The following PGRMC2 variants were observed in gnomAD, a reference collection of about 807,000 sequenced individuals.
The protein encoded by PGRMC2 is progesterone receptor membrane component 2, also known as membrane-associated progesterone receptor component 2.
A neutral mutation model predicts 19.3 loss-of-function variants in PGRMC2; 9 were observed. That is an observed-to-expected ratio of 0.47 (90% CI 0.28 to 0.81). The LOEUF (loss-of-function observed/expected upper bound fraction) is 0.81, where lower values mean the gene tolerates loss of function less well. Among genes scored for constraint, PGRMC2 ranks in the 40% least tolerant of loss-of-function variants. The pLI, the probability that PGRMC2 is intolerant of heterozygous loss-of-function variation, is 0.11. For missense variants in PGRMC2, 289 were observed against 297.3 expected, an observed-to-expected ratio of 0.97 and a Z score of 0.21; for synonymous variants, 157 against 124.6, an observed-to-expected ratio of 1.26 and a Z score of -1.73.
intron 1 of PGRMC2, chr4:128,273,184 T>C (rs1760758593): frequency 6.6e-6 from 1 of 152,172 alleles, no homozygotes; most frequent in African/African-American, 2.4e-5. Context: ...GGAAAAGTCA[T>C]TAAGGAAAAT....
At chr4:128,286,970 C>T in intron 1 of PGRMC2, 3 of 379,048 alleles carry the variant, frequency 7.9e-6, no homozygotes, top group Non-Finnish European at 1.4e-5. Context: ...AATCTCCCTT[C>T]CCTGGTGCCC....
Position 128,286,969 on chromosome 4 carries a change from TC to T in PGRMC2, c.418+403del, listed in dbSNP as rs1222127705. 26 of 378,318 alleles carry T rather than the reference TC, an allele frequency of 6.9e-5. No individual in the cohort carries two copies. In the East Asian group the frequency reaches 1.0e-3, roughly 15 times the overall value. 23.4% of individuals were successfully genotyped at this position (378,318 alleles called of 1,614,324 possible). A position where few individuals can be genotyped will look rare whatever the true frequency, so the allele number is the denominator to read the frequency against. On this transcript the variant is annotated intron_variant, in intron 1 of 2. Coordinates refer to ENST00000296425, the MANE Select transcript of PGRMC2 (RefSeq NM_006320.6). ...AGGTCCCAACTTCAGAAATCTCCCT[TC>T]CCTGGTGCCCCATCCATCCCAGGAA...
At chr4:128,275,991 G>C (rs577114426) in intron 1 of PGRMC2, among the ~76,000 whole-genome samples, 2 of 152,294 alleles carry the variant, frequency 1.3e-5, no homozygotes, top group Admixed American at 1.3e-4. Context: ...CTCCCAAAGT[G>C]TTAGAATTAC....
intron 1 of PGRMC2, among the ~76,000 whole-genome samples, chr4:128,280,330 A>G (rs1216043465): frequency 6.8e-6 from 1 of 146,308 alleles, no homozygotes; most frequent in African/African-American, 2.5e-5. Flanking sequence ...GGAAGAGGCA[A>G]TAAGTAACAG....
At chr4:128,276,774 C>G (rs1226139300) in intron 1 of PGRMC2, among the ~76,000 whole-genome samples, 1 of 152,162 alleles carries the variant, frequency 6.6e-6, no homozygotes, top group African/African-American at 2.4e-5. Context: ...AAAACAGCCT[C>G]CCAATTTTAA....
In PGRMC2 at chr4:128,287,727, C is replaced by G. The variant is rs758573810; in HGVS notation, c.64G>C (p.Asp22His). ...TLGSGSESSN[D>H]GGSESPGDAG... ...TCGCCTGGACTCTCGCTGCCGCCGT[C>G]GTTGCTGCTCTCGCTGCCACTCCCC... Residue 22 changes from aspartate to histidine, a missense_variant, in exon 1 of 3, where the codon GAC becomes CAC. Physicochemically the swap from Asp to His is moderately conservative, Grantham distance 81. Coordinates refer to ENST00000296425, the MANE Select transcript of PGRMC2 (RefSeq NM_006320.6). 10 of 1,489,566 alleles carry G rather than the reference C, an allele frequency of 6.7e-6. No individual in the cohort carries two copies. The highest frequency in any genetic ancestry group is 7.3e-6 in the Non-Finnish European group (8 of 1,098,932). 92.3% of individuals were successfully genotyped at this position (1,489,566 alleles called of 1,614,324 possible).
chr4:128,286,547 G>T (rs1760985922), intron 1 of PGRMC2: 1 of 397,160 alleles, frequency 2.5e-6, no homozygotes, highest in East Asian at 3.6e-5. Flanking sequence ...GTTCTGCTAA[G>T]TGAAAACACA....
At chr4:128,286,973 T>C (rs1760992918) in intron 1 of PGRMC2, 2 of 377,176 alleles carry the variant, frequency 5.3e-6, no homozygotes. Flanking sequence ...CTCCCTTCCC[T>C]GGTGCCCCAT....
chr4:128,283,680 CAG>C (rs1410058622), intron 1 of PGRMC2, among the ~76,000 whole-genome samples: 1 of 143,026 alleles, frequency 7.0e-6, no homozygotes, highest in East Asian at 2.0e-4. Flanking sequence ...TTTTTTGAGA[CAG>C]AGTCTCGTTC....
chr4:128,272,172 A>C (rs1313736936), intron 2 of PGRMC2, among the ~76,000 whole-genome samples, 190 bp downstream of exon 2: 7 of 152,158 alleles, frequency 4.6e-5, no homozygotes, highest in African/African-American at 1.7e-4. Flanking sequence ...AGCTCAAGGG[A>C]TTCCCATCAG....
At chr4:128,282,098 TCTTC>T (rs1372315955) in intron 1 of PGRMC2, among the ~76,000 whole-genome samples, 2 of 152,244 alleles carry the variant, frequency 1.3e-5, no homozygotes, top group Non-Finnish European at 2.9e-5. Context: ...TTACTGCCTC[TCTTC>T]CTTAATAGAC....
intron 1 of PGRMC2, chr4:128,272,815 T>G (rs1040413606): frequency 4.6e-6 from 1 of 219,072 alleles, no homozygotes; most frequent in African/African-American, 2.3e-5. Context: ...TGTGAGGTAA[T>G]GAGGGAGAAG....
chr4:128,277,305 C>T (rs1429611656), intron 1 of PGRMC2, among the ~76,000 whole-genome samples: 6 of 152,182 alleles, frequency 3.9e-5, no homozygotes, highest in African/African-American at 9.6e-5. Flanking sequence ...TATTTGTTAC[C>T]GTATCCTAAA....
chr4:128,279,208 CAA>C (rs1186987180), intron 1 of PGRMC2, among the ~76,000 whole-genome samples: 10 of 112,116 alleles, frequency 8.9e-5, no homozygotes, highest in Admixed American at 1.8e-4. Flanking sequence ...AACTCTGTCT[CAA>C]AAAAAAAAAA....
chr4:128,285,853 T>A (rs902190518), intron 1 of PGRMC2, among the ~76,000 whole-genome samples: 1 of 152,200 alleles, frequency 6.6e-6, no homozygotes, highest in Non-Finnish European at 1.5e-5. Flanking sequence ...TTGATATAAG[T>A]AGGCAGACAC....
rs956366958 is a variant in PGRMC2, at chr4:128,270,589, A to G, written c.*727T>C. On this transcript the variant is annotated 3_prime_UTR_variant, in exon 3 of 3. Coordinates refer to ENST00000296425, the MANE Select transcript of PGRMC2 (RefSeq NM_006320.6). Reference sequence around the variant, plus strand: ...AAATAATTCAAGTCTATGTTAAGTGAAATAAGGCACAATTAATATTGATTT... The same window carrying G: ...AAATAATTCAAGTCTATGTTAAGTGGAATAAGGCACAATTAATATTGATTT... The G allele has an allele frequency of 6.6e-6, 1 of 152,622 alleles. No homozygotes were observed. The highest frequency in any genetic ancestry group is 2.4e-5 in the African/African-American group (1 of 41,438). 9.5% of individuals were successfully genotyped at this position (152,622 alleles called of 1,614,324 possible). A position where few individuals can be genotyped will look rare whatever the true frequency, so the allele number is the denominator to read the frequency against.
chr4:128,278,519 C>G (rs576086280), intron 1 of PGRMC2, among the ~76,000 whole-genome samples: 1 of 152,096 alleles, frequency 6.6e-6, no homozygotes, highest in African/African-American at 2.4e-5. Context: ...TTGCAGTGAG[C>G]CGAGATGGCG....
rs1304421223 is a variant in PGRMC2 at position 128,287,791 on chromosome 4, C to G, written c.-1G>C. 6.7e-7 allele frequency: 1 copy of G among 1,499,268 alleles called. No individual in the cohort carries two copies. The highest frequency in any genetic ancestry group is 1.2e-5 in the South Asian group (1 of 86,442). The allele number at this position is 1,499,268 out of a possible 1,614,324, so 92.9% of individuals were successfully genotyped here. On this transcript the variant is annotated 5_prime_UTR_variant, in exon 1 of 3. Coordinates refer to ENST00000296425, the MANE Select transcript of PGRMC2 (RefSeq NM_006320.6). Reference sequence around the variant, plus strand: ...TCACGTCCCCATCACCAGCCGCCATCACTGCCCGCCAGCGCCTTCCTCCTC... The same window carrying G: ...TCACGTCCCCATCACCAGCCGCCATGACTGCCCGCCAGCGCCTTCCTCCTC...
In PGRMC2 at chr4:128,269,399, T is replaced by C. The variant is rs981319611; in HGVS notation, c.*1917A>G. On this transcript the variant is annotated 3_prime_UTR_variant, in exon 3 of 3. Coordinates refer to ENST00000296425, the MANE Select transcript of PGRMC2 (RefSeq NM_006320.6). ...AGACTTTAGGCTTGAATGATTCATATATATAGATATCAGTTTACTACAGAG... is the reference window on the plus strand; with the variant it reads ...AGACTTTAGGCTTGAATGATTCATACATATAGATATCAGTTTACTACAGAG... The C allele has an allele frequency of 6.6e-6, 1 of 152,232 alleles. No individual in the cohort carries two copies. Among genetic ancestry groups the C allele is most frequent in the African/African-American group, 2.4e-5 (1 of 41,458 alleles). The allele number at this position is 152,232 out of a possible 1,614,324, so 9.4% of individuals were successfully genotyped here.
Sources: allele counts gnomAD v4.1 joint callset (sites outside exome capture counted in the v4.1 genomes callset), GRCh38; gene constraint gnomAD v4.1.1; transcripts MANE v1.5; gene names NCBI Gene and HGNC (gene_info 2026-07-23, HGNC 2026-07-21).